Variants in BNC1 observed in about 807,000 individuals in gnomAD.
The protein encoded by BNC1 is basonuclin zinc finger protein 1.
Under a neutral mutation model 66.5 loss-of-function variants are expected in BNC1, and 8 were observed. That is an observed-to-expected ratio of 0.12 (90% CI 0.07 to 0.22). The LOEUF is 0.22. Ranked by LOEUF, BNC1 falls within the 10% of genes least tolerant of loss-of-function variation. BNC1 has a pLI of 1.00. For synonymous variants in BNC1, 454 were observed against 452.6 expected (o/e 1.00, Z -0.04); for missense variants, 1,069 against 1,241.3 (o/e 0.86, Z 2.09).
At chr15:83,274,786 AC>A (rs2038303553) in intron 1 of BNC1, among the ~76,000 whole-genome samples, 1 of 152,204 alleles carries the variant, frequency 6.6e-6, no homozygotes, top group Non-Finnish European at 1.5e-5. Flanking sequence ...TCTCACAACT[AC>A]CCAGGGAGAT....
rs547412885 is a variant in BNC1, at chr15:83,263,241, G to C, written c.2010C>G (p.Asp670Glu). The C allele has an allele frequency of 1.9e-6, 3 of 1,614,194 alleles. No individual in the cohort carries two copies. The African/African-American group carries it at 4.0e-5, about 22-fold the overall frequency. ...PGMEPQVPFS[D>E]YMELQQRLLA... is the part of the protein sequence containing the mutation. The stretch of plus-strand genomic sequence containing the variant: ...GCAGGCGCTGCTGCAGTTCCATGTA[G>C]TCAGAAAAAGGAACTTGGGGTTCCA... The change falls in exon 4 of 5, where the codon GAC (aspartate) becomes GAG (glutamate). Residue 670 changes from aspartate to glutamate, a missense_variant. Asp to Glu is a conservative substitution (Grantham distance 45). Coordinates refer to ENST00000345382, the MANE Select transcript of BNC1 (RefSeq NM_001717.4).
chr15:83,257,915 G>A lies in BNC1; in HGVS notation c.2512C>T (p.His838Tyr). ...GSLVYPITQV[H>Y]SASLESYNSG... ...TTGTAGCTCTCCAGGCTGGCACTGT[G>A]GACTTGCGTTATTGGGTAAACCAGA... The change falls in exon 5 of 5, where the codon CAC (histidine) becomes TAC (tyrosine). Residue 838 changes from histidine to tyrosine, a missense_variant. Around this residue, in one of 7 missense-constraint regions of BNC1, gnomAD observed 657 missense variants for 715.8 expected, o/e 0.92. Transcript: ENST00000345382. 1 of 1,614,184 alleles carries A rather than the reference G, an allele frequency of 6.2e-7. No homozygotes were observed. The highest frequency in any genetic ancestry group is 8.5e-7 in the Non-Finnish European group (1 of 1,180,012).
At chr15:83,280,469 G>A (rs754865195) in intron 1 of BNC1, among the ~76,000 whole-genome samples, 7 of 152,136 alleles carry the variant, frequency 4.6e-5, no homozygotes, top group African/African-American at 9.7e-5. Context: ...AAATAAAGAC[G>A]AAATTGTGAA....
chr15:83,281,624 G>A (rs1159353204), intron 1 of BNC1, among the ~76,000 whole-genome samples: 1 of 152,168 alleles, frequency 6.6e-6, no homozygotes, highest in Non-Finnish European at 1.5e-5. Flanking sequence ...CCCTTTTAAT[G>A]GCCACATCAA....
At chr15:83,280,727 A>C (rs116370702) in intron 1 of BNC1, among the ~76,000 whole-genome samples, 1,798 of 152,324 alleles carry the variant, frequency 0.012, 43 homozygotes, top group African/African-American at 0.042. Flanking sequence ...CCGGAAGCTG[A>C]TGTACAACTA....
Position 83,257,328 on chromosome 15 carries a change from A to C in BNC1, c.*114T>G. On this transcript the variant is annotated 3_prime_UTR_variant, in exon 5 of 5. Coordinates refer to ENST00000345382, the MANE Select transcript of BNC1 (RefSeq NM_001717.4). ...CTGTGGAAAACTATAAAGTCAAATC[A>C]AATACTTTTGCCTGACTCGCCCCAA... The C allele has an allele frequency of 8.0e-7, 1 of 1,244,286 alleles. No homozygotes were observed. The highest frequency in any genetic ancestry group is 1.1e-6 in the Non-Finnish European group (1 of 888,548). 77.1% of individuals were successfully genotyped at this position (1,244,286 alleles called of 1,614,324 possible).
intron 1 of BNC1, chr15:83,283,402 T>A: frequency 8.8e-7 from 1 of 1,134,382 alleles, no homozygotes; most frequent in East Asian, 4.8e-5. Flanking sequence ...CTCCTCCTTC[T>A]CCGCCCGCGG....
At chr15:83,267,397 T>C (rs1162071089) in intron 2 of BNC1, among the ~76,000 whole-genome samples, 3 of 152,044 alleles carry the variant, frequency 2.0e-5, no homozygotes, top group Non-Finnish European at 4.4e-5. Context: ...TCAGGAAGCA[T>C]AGAGTCTGGG....
In BNC1 at chr15:83,267,044, A is replaced by G. The variant is rs748941683; in HGVS notation, c.227T>C (p.Met76Thr). Reference protein sequence around the residue: ...HALSKLRIPPMYPTSQVEIVQ... With the variant: ...HALSKLRIPPTYPTSQVEIVQ... The stretch of plus-strand genomic sequence containing the variant: ...AATCTCCACCTGGCTTGTTGGATAC[A>G]TGGGGGGGATCCTTAGCTTACTTAG... The change falls in exon 3 of 5, where the codon ATG becomes ACG. Residue 76 changes from methionine to threonine, a missense_variant. Around this residue, in one of 7 missense-constraint regions of BNC1, gnomAD observed 30 missense variants for 20.2 expected, o/e 1.49. Coordinates refer to ENST00000345382, the MANE Select transcript of BNC1 (RefSeq NM_001717.4). The G allele has an allele frequency of 3.1e-6, 5 of 1,613,856 alleles. No homozygotes were observed. The highest frequency in any genetic ancestry group is 1.7e-5 in the Admixed American group (1 of 59,990).
chr15:83,275,825 A>G (rs1333208641), intron 1 of BNC1, among the ~76,000 whole-genome samples: 1 of 152,062 alleles, frequency 6.6e-6, no homozygotes, highest in Non-Finnish European at 1.5e-5. Context: ...GGTGTCAGAG[A>G]CCACTGTGCA....
At chr15:83,282,789 G>A (rs2038392296) in intron 1 of BNC1, among the ~76,000 whole-genome samples, 1 of 152,210 alleles carries the variant, frequency 6.6e-6, no homozygotes, top group Non-Finnish European at 1.5e-5. Context: ...TCGCTTTGAT[G>A]AAAAGAATAT....
At position 83,273,682 on chromosome 15, in the gene BNC1, T is replaced by C. The variant is rs574969063; in HGVS notation, c.100-5450A>G. On this transcript the variant is annotated intron_variant, in intron 1 of 4. Transcript: ENST00000345382. ...TGATGGAAGATTGGGTTTTGCAGTC[T>C]TGGGATAGAAAGTTATGACCTAGTT... Among the ~76,000 whole-genome samples, 4 of 152,306 alleles carry C rather than the reference T, an allele frequency of 2.6e-5. No homozygotes were observed. In the East Asian group the frequency reaches 7.7e-4, roughly 29 times the overall value.
intron 1 of BNC1, among the ~76,000 whole-genome samples, chr15:83,275,982 C>T (rs960707845): frequency 6.6e-6 from 1 of 152,068 alleles, no homozygotes; most frequent in Non-Finnish European, 1.5e-5. Context: ...TTCACCTCAC[C>T]GGGCACCTTT....
At chr15:83,267,094 T>C in intron 2 of BNC1, 23 bp from the exon 3 acceptor site, 1 of 1,579,080 alleles carries the variant, frequency 6.3e-7, no homozygotes. Context: ...ATTGAGGAAA[T>C]GTCATTTTGA....
In BNC1 at chr15:83,257,838, G is replaced by A. The variant is rs2038095450; in HGVS notation, c.2589C>T (p.Ser863=). The A allele has an allele frequency of 6.2e-7, 1 of 1,614,064 alleles. No homozygotes were observed. The highest frequency in any genetic ancestry group is 8.5e-7 in the Non-Finnish European group (1 of 1,180,046). Residue 863 remains serine, a synonymous_variant, in exon 5 of 5, where the codon AGC becomes AGT. Coordinates refer to ENST00000345382, the MANE Select transcript of BNC1 (RefSeq NM_001717.4). The part of the protein sequence containing the change: ...GTILDLSTTS[S]MKSESSSHSS... The stretch of plus-strand genomic sequence containing the variant: ...AATGGCTGCTACTCTCTGACTTCAT[G>A]CTCGAGGTAGTGCTCAAATCCAGGA...
At chr15:83,276,264 G>A (rs1335243711) in intron 1 of BNC1, among the ~76,000 whole-genome samples, 1 of 152,182 alleles carries the variant, frequency 6.6e-6, no homozygotes, top group Non-Finnish European at 1.5e-5. Flanking sequence ...GTCCGACTCT[G>A]CACAGAGCTA....
intron 1 of BNC1, among the ~76,000 whole-genome samples, chr15:83,275,910 A>G (rs2038317521): frequency 6.6e-6 from 1 of 152,000 alleles, no homozygotes; most frequent in African/African-American, 2.4e-5. Flanking sequence ...TGAAATGAAT[A>G]TAATCTCCCT....
chr15:83,279,109 T>G (rs2038354560), intron 1 of BNC1, among the ~76,000 whole-genome samples: 1 of 152,218 alleles, frequency 6.6e-6, no homozygotes, highest in Non-Finnish European at 1.5e-5. Flanking sequence ...TGTTAATTTT[T>G]TAGGTGCTCT....
At chr15:83,258,341 C>T (rs1014841462) in intron 4 of BNC1, among the ~76,000 whole-genome samples, 11 of 152,138 alleles carry the variant, frequency 7.2e-5, no homozygotes, top group African/African-American at 1.4e-4. Flanking sequence ...CCAGGAAAGC[C>T]GACAGTCTGG....
Sources: gnomAD v4.1 joint callset for allele counts (sites outside exome capture counted in the v4.1 genomes callset) on GRCh38, gnomAD v4.1.1 for gene constraint, gnomAD v4.1.1 regional missense constraint, MANE v1.5 for transcripts, NCBI Gene and HGNC (gene_info 2026-07-23, HGNC 2026-07-21) for gene names.